The following PRKN variants were observed in gnomAD, a reference collection of about 807,000 sequenced individuals.
PRKN encodes parkin RBR E3 ubiquitin protein ligase, also known as E3 ubiquitin-protein ligase parkin.
PRKN carries 56 observed loss-of-function variants against 59.5 expected under a neutral mutation model. The observed-to-expected ratio is 0.94, with a 90% confidence interval of 0.76 to 1.18. PRKN has a LOEUF of 1.18. Ranked by LOEUF, PRKN falls within the 50% of genes most tolerant of loss-of-function variation. The pLI is 0.00. For missense variants in PRKN, 657 were observed against 596.4 expected (o/e 1.10, Z -1.06); for synonymous variants, 250 against 222.1 (o/e 1.13, Z -1.12).
intron 9 of PRKN, among the ~76,000 whole-genome samples, chr6:161,534,973 T>C (rs12195005): frequency 0.2 from 29,872 of 152,232 alleles, 3,102 homozygotes; most frequent in Middle Eastern, 0.31. Flanking sequence ...CTGATATTAC[T>C]TCAAGTGCTA....
chr6:162,046,389 C>T (rs1054060546), intron 5 of PRKN, among the ~76,000 whole-genome samples: 1 of 152,194 alleles, frequency 6.6e-6, no homozygotes, highest in Non-Finnish European at 1.5e-5. Context: ...CGCAGATCAT[C>T]AAGTGTAAAA....
In PRKN at chr6:161,440,578, G is replaced by A. The variant is rs556068252; in HGVS notation, c.1084-53701C>T. On this transcript the variant is annotated intron_variant, in intron 9 of 11. Transcript: ENST00000366898. This position sits in a 1 kb window ranked among gnomAD's most constrained non-coding sequence, Gnocchi z 4.1. ...GGGTTCCCTCACCAGGGGTCTGGGA[G>A]TTGCTGGAAATGGATAAGAAAATCC... 1.2e-4 allele frequency among the ~76,000 whole-genome samples: 18 copies of A among 152,338 alleles called. No homozygotes were observed. The highest frequency in any genetic ancestry group is 4.3e-4 in the African/African-American group (18 of 41,574).
At chr6:161,646,570 G>A (rs1195491337) in intron 7 of PRKN, among the ~76,000 whole-genome samples, 7 of 151,400 alleles carry the variant, frequency 4.6e-5, no homozygotes, top group African/African-American at 1.7e-4. Context: ...GTCAGTGAGA[G>A]TGGTGACTGC....
intron 6 of PRKN, among the ~76,000 whole-genome samples, chr6:161,793,654 C>T (rs550336507): frequency 9.2e-5 from 14 of 151,956 alleles, no homozygotes; most frequent in African/African-American, 3.4e-4. Context: ...GTAAGCACTA[C>T]CATAAGGATG....
intron 2 of PRKN, among the ~76,000 whole-genome samples, chr6:162,400,966 T>C (rs541267324): frequency 6.6e-6 from 1 of 152,202 alleles, no homozygotes; most frequent in Admixed American, 6.5e-5. Context: ...TTGAATAAAA[T>C]AGGAAATCCA....
At chr6:162,121,717 T>C (rs1173271680) in intron 4 of PRKN, among the ~76,000 whole-genome samples, 1 of 152,070 alleles carries the variant, frequency 6.6e-6, no homozygotes, top group Non-Finnish European at 1.5e-5. Context: ...AAAGAAACCA[T>C]GTGGGGTGGC....
rs545027418 is a variant in PRKN, at chr6:162,219,675, T to C, written c.413-18423A>G. On this transcript the variant is annotated intron_variant, in intron 3 of 11. Coordinates refer to ENST00000366898, the MANE Select transcript of PRKN (RefSeq NM_004562.3). Reference sequence around the variant, plus strand: ...TTTCCTTCTCCATTTCACAAATGGGTATCTTCAATTAAAACACTTGTTTAG... The same window carrying C: ...TTTCCTTCTCCATTTCACAAATGGGCATCTTCAATTAAAACACTTGTTTAG... Among the ~76,000 whole-genome samples, 105 of 152,198 alleles carry C rather than the reference T, an allele frequency of 6.9e-4. No individual in the cohort carries two copies. The Middle Eastern group carries it at 0.027, about 40-fold the overall frequency.
intron 7 of PRKN, among the ~76,000 whole-genome samples, chr6:161,689,251 C>A: frequency 6.6e-6 from 1 of 151,552 alleles, no homozygotes; most frequent in South Asian, 2.1e-4. Flanking sequence ...ACCCAGATCC[C>A]GGTTCCCTCA....
At position 161,488,680 on chromosome 6, in the gene PRKN, T is replaced by C. The variant is rs972516634; in HGVS notation, c.1083+60174A>G. On this transcript the variant is annotated intron_variant, in intron 9 of 11. Transcript: ENST00000366898. This position sits in a 1 kb window ranked among gnomAD's most constrained non-coding sequence, Gnocchi z 4.5. ...TTTAAAATTTTTTGTAGAGGTGGGG[T>C]CTCACTATGTTGCCCAGGCTGGTCT... is the stretch of plus-strand genomic sequence containing the variant. Among the ~76,000 whole-genome samples, 3 of 151,714 alleles carry C rather than the reference T, an allele frequency of 2.0e-5. No individual in the cohort carries two copies. The highest frequency in any genetic ancestry group is 6.6e-5 in the Admixed American group (1 of 15,222).
intron 1 of PRKN, among the ~76,000 whole-genome samples, chr6:162,512,953 G>C (rs925659203): frequency 2.0e-5 from 3 of 152,214 alleles, no homozygotes; most frequent in South Asian, 2.1e-4. Flanking sequence ...CTTTGCCTTC[G>C]AGGTATTTCC....
intron 4 of PRKN, among the ~76,000 whole-genome samples, chr6:162,127,321 A>T (rs1781164405): frequency 6.6e-6 from 1 of 152,238 alleles, no homozygotes; most frequent in Admixed American, 6.5e-5. Context: ...CTACCAACTC[A>T]ACTTTTGCTT....
At position 161,352,825 on chromosome 6, in the gene PRKN, G is replaced by A. The variant is rs1158710343; in HGVS notation, c.1286-2614C>T. ...AGATGGAGTCTCGCTCTGTCGCCCA[G>A]GCTGGAGTACAGGGCGCGATCTGGG... On this transcript the variant is annotated intron_variant, in intron 11 of 11. Coordinates refer to ENST00000366898, the MANE Select transcript of PRKN (RefSeq NM_004562.3). This position sits in a 1 kb window ranked among gnomAD's most constrained non-coding sequence, Gnocchi z 5.8. 2.0e-5 allele frequency among the ~76,000 whole-genome samples: 3 copies of A among 150,956 alleles called. No individual in the cohort carries two copies. Among genetic ancestry groups the A allele is most frequent in the Non-Finnish European group, 4.4e-5 (3 of 67,874 alleles).
At chr6:162,608,735 C>T (rs34619021) in intron 1 of PRKN, among the ~76,000 whole-genome samples, 15,322 of 152,104 alleles carry the variant, frequency 0.1, 924 homozygotes, top group Middle Eastern at 0.19. Context: ...CAGGATCCAG[C>T]TAAGAATAAG....
intron 7 of PRKN, among the ~76,000 whole-genome samples, chr6:161,743,222 T>C (rs1355022983): frequency 1.7e-5 from 2 of 120,504 alleles, no homozygotes; most frequent in African/African-American, 6.0e-5. Context: ...CCTTTTTTTT[T>C]TTTTTTTTTT....
intron 5 of PRKN, among the ~76,000 whole-genome samples, chr6:162,022,547 A>G (rs1168307935): frequency 6.6e-6 from 1 of 151,932 alleles, no homozygotes; most frequent in Non-Finnish European, 1.5e-5. Flanking sequence ...TGTTGATTTA[A>G]GTTTCTTATA....
At position 162,331,830 on chromosome 6, in the gene PRKN, A is replaced by AT. The variant is rs1324047623; in HGVS notation, c.172-69066dup. Among the ~76,000 whole-genome samples, 5 of 152,054 alleles carry AT rather than the reference A, an allele frequency of 3.3e-5. 1 individual carries two copies. Among genetic ancestry groups the AT allele is most frequent in the African/African-American group, 1.2e-4 (5 of 41,404 alleles). ...CTGAGACCTCCGTAGCGGTGGGGTT[A>AT]TTGTCTCTGACACTGCAACTCAGTA... On this transcript the variant is annotated intron_variant, in intron 2 of 11. Coordinates refer to ENST00000366898, the MANE Select transcript of PRKN (RefSeq NM_004562.3).
chr6:162,568,449 G>A, intron 1 of PRKN: 2 of 620,434 alleles, frequency 3.2e-6, no homozygotes, highest in East Asian at 3.0e-5. Flanking sequence ...TTCCGGGGGT[G>A]GCCTGGGTGG....
intron 5 of PRKN, among the ~76,000 whole-genome samples, chr6:161,977,542 G>GTTTTTTTTTTT (rs1554256833): frequency 9.6e-6 from 1 of 104,520 alleles, no homozygotes; most frequent in African/African-American, 3.7e-5. Flanking sequence ...TGTTTTTTTG[G>GTTTTTTTTTTT]TTTTTTTTTT....
chr6:162,116,476 C>T (rs1780677720), intron 4 of PRKN, among the ~76,000 whole-genome samples: 1 of 152,194 alleles, frequency 6.6e-6, no homozygotes, highest in Admixed American at 6.5e-5. Flanking sequence ...TGGCTGAGCC[C>T]TGGCCTCACG....
Sources: allele counts gnomAD v4.1 joint callset (sites outside exome capture counted in the v4.1 genomes callset), GRCh38; gene constraint gnomAD v4.1.1; non-coding constraint Gnocchi (gnomAD v3.1); transcripts MANE v1.5; gene names NCBI Gene and HGNC (gene_info 2026-07-23, HGNC 2026-07-21).